Variants in KCNH6 observed in about 807,000 individuals in gnomAD.
The protein encoded by KCNH6 is potassium voltage-gated channel subfamily H member 6, also known as voltage-gated inwardly rectifying potassium channel KCNH6.
KCNH6 carries 81 observed loss-of-function variants against 83.4 expected under a neutral mutation model. That is an observed-to-expected ratio of 0.97 (90% CI 0.81 to 1.17). The LOEUF (loss-of-function observed/expected upper bound fraction) is 1.17, where lower values mean the gene tolerates loss of function less well. KCNH6 is among the 50% of genes most tolerant of loss of function. The probability of loss-of-function intolerance (pLI) is 0.00; values close to 1 mark genes in which losing one functional copy is unlikely to be tolerated. For synonymous variants in KCNH6, 503 were observed against 545.6 expected (o/e 0.92, Z 1.09); for missense variants, 1,203 against 1,290.5 (o/e 0.93, Z 1.04).
Position 63,546,083 on chromosome 17 carries a change from G to C in KCNH6, c.*181G>C. On this transcript the variant is annotated 3_prime_UTR_variant, in exon 13 of 13. Transcript: ENST00000314672. ...CCCCACCTCTACTAAAATTAAAAAA[G>C]AAAAAAAATAGCCGGGCGTGGTGGC... 1.8e-6 allele frequency: 1 copy of C among 570,990 alleles called. No individual in the cohort carries two copies. Among genetic ancestry groups the C allele is most frequent in the East Asian group, 2.9e-5 (1 of 34,450 alleles). The allele number at this position is 570,990 out of a possible 1,614,324, so 35.4% of individuals were successfully genotyped here.
Position 63,533,905 on chromosome 17 carries a change from A to G in KCNH6, c.695A>G (p.Asp232Gly). ...CCCCAGGTCCTGTCCCTGGGCGCGGATGTGCTGCCGGAGTACAAGCTGCAG... is the reference window on the plus strand; with the variant it reads ...CCCCAGGTCCTGTCCCTGGGCGCGGGTGTGCTGCCGGAGTACAAGCTGCAG... ...KVTQVLSLGA[D>G]VLPEYKLQAP... The change falls in exon 5 of 13, where the codon GAT becomes GGT. Residue 232 changes from aspartate (D) to glycine (G), a missense_variant. Coordinates refer to ENST00000314672, the MANE Select transcript of KCNH6 (RefSeq NM_001278919.2). The surrounding 1 kb of genome is among the most constrained non-coding windows in gnomAD (Gnocchi z 4.1). The G allele has an allele frequency of 6.2e-7, 1 of 1,613,362 alleles. No individual in the cohort carries two copies. The highest frequency in any genetic ancestry group is 8.5e-7 in the Non-Finnish European group (1 of 1,179,694).
Position 63,531,672 on chromosome 17 carries a change from C to G in KCNH6, c.675+1130C>G, listed in dbSNP as rs536320401. Among the ~76,000 whole-genome samples the G allele has an allele frequency of 3.9e-5, 6 of 152,312 alleles. No homozygotes were observed. The East Asian group carries it at 1.2e-3, about 29-fold the overall frequency. Reference sequence around the variant, plus strand: ...TGTCCTCTGAGGTCAGGCAGAGTGGCCCAAAGGCCTGACCCTGGGAAGCCC... The same window carrying G: ...TGTCCTCTGAGGTCAGGCAGAGTGGGCCAAAGGCCTGACCCTGGGAAGCCC... On this transcript the variant is annotated intron_variant, in intron 4 of 12. Coordinates refer to ENST00000314672, the MANE Select transcript of KCNH6 (RefSeq NM_001278919.2).
At position 63,538,229 on chromosome 17, in the gene KCNH6, G is replaced by T. The variant is rs1598000356; in HGVS notation, c.1666G>T (p.Ala556Ser). The T allele has an allele frequency of 2.5e-6, 4 of 1,614,178 alleles. No homozygotes were observed. Among genetic ancestry groups the T allele is most frequent in the East Asian group, 2.2e-5 (1 of 44,876 alleles). Reference protein sequence around the residue: ...RQRLEEYFQHAWSYTNGIDMN... With the variant: ...RQRLEEYFQHSWSYTNGIDMN... The stretch of plus-strand genomic sequence containing the variant: ...GCGCCTGGAGGAGTATTTCCAGCAC[G>T]CCTGGTCCTACACCAATGGCATTGA... Residue 556 changes from alanine to serine, a missense_variant, in exon 7 of 13, where the codon GCC becomes TCC. Transcript: ENST00000314672. The surrounding 1 kb of genome is among the most constrained non-coding windows in gnomAD (Gnocchi z 4.0).
intron 2 of KCNH6, among the ~76,000 whole-genome samples, chr17:63,524,653 A>C (rs1056028093): frequency 6.6e-6 from 1 of 152,014 alleles, no homozygotes; most frequent in Non-Finnish European, 1.5e-5. Context: ...GCTCTCCACT[A>C]TCTTACTGTC....
Position 63,533,732 on chromosome 17 carries a change from A to G in KCNH6, c.676-154A>G, listed in dbSNP as rs182600443. Among the ~76,000 whole-genome samples the G allele has an allele frequency of 0.011, 1,628 of 150,008 alleles. 15 individuals are homozygous for G. Among genetic ancestry groups the G allele is most frequent in the Non-Finnish European group, 0.016 (1,112 of 67,450 alleles). ...CCCTTAGGAACTTGCCTTCTCAGAC[A>G]CCCCCCACCCCATCTCTCCCTCATC... On this transcript the variant is annotated intron_variant, in intron 4 of 12. Coordinates refer to ENST00000314672, the MANE Select transcript of KCNH6 (RefSeq NM_001278919.2). The surrounding 1 kb of genome is among the most constrained non-coding windows in gnomAD (Gnocchi z 4.1).
chr17:63,529,942 CCTCTGCCCAGTAT>C, intron 2 of KCNH6, 136 bp from the exon 3 acceptor site: 1 of 812,140 alleles, frequency 1.2e-6, no homozygotes, highest in Non-Finnish European at 1.9e-6. Context: ...CCTCACCCAC[CCTCTGCCCAGTAT>C]CTCTGGTCAC....
Position 63,530,212 on chromosome 17 carries a change from C to G in KCNH6, c.429C>G (p.Ser143Arg), listed in dbSNP as rs1465208752. The G allele has an allele frequency of 6.2e-7, 1 of 1,614,046 alleles. No individual in the cohort carries two copies. Among genetic ancestry groups the G allele is most frequent in the Non-Finnish European group, 8.5e-7 (1 of 1,179,992 alleles). Residue 143 changes from serine to arginine, a missense_variant, in exon 3 of 13, where the codon AGC (serine) becomes AGG (arginine). Physicochemically the swap from Ser to Arg is moderately radical, Grantham distance 110. Coordinates refer to ENST00000314672, the MANE Select transcript of KCNH6 (RefSeq NM_001278919.2). ...TCCTGGCCAAGTGCAGCAGCCGCAGCTTGTCCCAGCGCCTGTTGTCCCAGA... is the reference window on the plus strand; with the variant it reads ...TCCTGGCCAAGTGCAGCAGCCGCAGGTTGTCCCAGCGCCTGTTGTCCCAGA... The part of the protein sequence containing the change: ...AQLLAKCSSR[S>R]LSQRLLSQSF...
Position 63,538,071 on chromosome 17 carries a change from T to G in KCNH6, c.1508T>G (p.Met503Arg). The G allele has an allele frequency of 6.2e-7, 1 of 1,613,348 alleles. No individual in the cohort carries two copies. The highest frequency in any genetic ancestry group is 8.5e-7 in the Non-Finnish European group (1 of 1,179,918). The part of the protein sequence containing the change: ...SICVMLIGSL[M>R]YASIFGNVSA... ...CTCTCCGCCCCGCCCCCAGCCCTGA[T>G]GTACGCCAGCATCTTCGGGAACGTG... The change falls in exon 7 of 13, where the codon ATG becomes AGG. Residue 503 changes from methionine to arginine, a missense_variant. Met to Arg is a moderately conservative substitution (Grantham distance 91). Transcript: ENST00000314672. This position sits in a 1 kb window ranked among gnomAD's most constrained non-coding sequence, Gnocchi z 4.0.
rs2032707846 is a variant in KCNH6, at chr17:63,538,985, G to A, written c.1954+323G>A. 6.6e-6 allele frequency among the ~76,000 whole-genome samples: 1 copy of A among 152,176 alleles called. No individual in the cohort carries two copies. Among genetic ancestry groups the A allele is most frequent in the African/African-American group, 2.4e-5 (1 of 41,432 alleles). On this transcript the variant is annotated intron_variant, in intron 8 of 12. Coordinates refer to ENST00000314672, the MANE Select transcript of KCNH6 (RefSeq NM_001278919.2). This position sits in a 1 kb window ranked among gnomAD's most constrained non-coding sequence, Gnocchi z 4.0. ...TCCTACCTTCTTGCACTCTTGGGGA[G>A]TTTAGGGAGAAAGGCCAAGGGTCTT...
chr17:63,536,676 G>A (rs1046249261), intron 6 of KCNH6, among the ~76,000 whole-genome samples: 3 of 151,096 alleles, frequency 2.0e-5, no homozygotes, highest in South Asian at 2.1e-4. Flanking sequence ...AGAATTTTTC[G>A]CCAGGCATGG....
In KCNH6 at chr17:63,535,459, C is replaced by T. The variant is rs1426187985; in HGVS notation, c.1102-210C>T. ...TCTGTTCTCCCACTGGACTTCTGTC[C>T]TAGCAACCAGAACACTATTCTGAGC... On this transcript the variant is annotated intron_variant, in intron 5 of 12. Transcript: ENST00000314672. This position sits in a 1 kb window ranked among gnomAD's most constrained non-coding sequence, Gnocchi z 4.9. Among the ~76,000 whole-genome samples the T allele has an allele frequency of 6.6e-6, 1 of 152,228 alleles. No individual in the cohort carries two copies. Among genetic ancestry groups the T allele is most frequent in the African/African-American group, 2.4e-5 (1 of 41,446 alleles).
chr17:63,543,778 G>A (rs2033003476), intron 10 of KCNH6, 118 bp downstream of exon 10: 2 of 705,816 alleles, frequency 2.8e-6, no homozygotes, highest in East Asian at 5.1e-5. Flanking sequence ...GTGGAGAGGG[G>A]CTCCCTCTCT....
Position 63,530,091 on chromosome 17 carries a change from C to A in KCNH6, c.308C>A (p.Ala103Asp), listed in dbSNP as rs774393816. 3.2e-5 allele frequency: 52 copies of A among 1,612,816 alleles called. 1 individual carries two copies. Among genetic ancestry groups the A allele is most frequent in the Non-Finnish European group, 3.9e-5 (46 of 1,179,930 alleles). Reference protein sequence around the residue: ...KVDILYYRKDASSFRCLVDVV... With the variant: ...KVDILYYRKDDSSFRCLVDVV... ...CCCATCCTCCCAATGGTGTTCGCAG[C>A]CTCCAGCTTCCGCTGCCTGGTAGAT... The change falls in exon 3 of 13, where the codon GCC (alanine) becomes GAC (aspartate). Residue 103 changes from alanine to aspartate, a missense_variant and splice_region_variant. Transcript: ENST00000314672.
chr17:63,543,968 T>A (rs2033012674), intron 10 of KCNH6: 1 of 1,128,290 alleles, frequency 8.9e-7, no homozygotes, highest in East Asian at 2.5e-5. Context: ...GGGCTGCAGC[T>A]CCCTGGGCAG....
rs780575688 is a variant in KCNH6 at position 63,545,802 on chromosome 17, G to C, written c.2777G>C (p.Cys926Ser). ...GTACAAGGACTCATCTGTGGTCCCT[G>C]CTTCTCCTCCCTCCCTGAACACCTT... ...LEVQGLICGPCFSSLPEHLGS... is the reference protein window; with the variant it reads ...LEVQGLICGPSFSSLPEHLGS... The change falls in exon 13 of 13, where the codon TGC (cysteine) becomes TCC (serine). Residue 926 changes from cysteine to serine, a missense_variant. Coordinates refer to ENST00000314672, the MANE Select transcript of KCNH6 (RefSeq NM_001278919.2). The C allele has an allele frequency of 4.3e-6, 7 of 1,614,148 alleles. No homozygotes were observed. In the Admixed American group the frequency reaches 1.2e-4, roughly 27 times the overall value.
chr17:63,526,537 T>C (rs113580918), intron 2 of KCNH6, among the ~76,000 whole-genome samples: 1,963 of 152,112 alleles, frequency 0.013, 24 homozygotes, highest in Middle Eastern at 0.024. Context: ...TTTAATTTTT[T>C]GTAGGGATGG....
In KCNH6 at chr17:63,523,407, C is replaced by A; in HGVS notation, c.-7C>A. The A allele has an allele frequency of 1.3e-6, 2 of 1,588,986 alleles. No homozygotes were observed. The highest frequency in any genetic ancestry group is 2.2e-5 in the South Asian group (2 of 89,168). On this transcript the variant is annotated 5_prime_UTR_variant, in exon 1 of 13. Coordinates refer to ENST00000314672, the MANE Select transcript of KCNH6 (RefSeq NM_001278919.2). This position sits in a 1 kb window ranked among gnomAD's most constrained non-coding sequence, Gnocchi z 4.2. The stretch of plus-strand genomic sequence containing the variant: ...CTGTGGCTCCGGGCAGGGGCCGCGG[C>A]CGAAAGATGCCGGTCCGCAGGGGCC...
Position 63,523,771 on chromosome 17 carries a change from C to T in KCNH6, c.76+282C>T, listed in dbSNP as rs1876231764. Reference sequence around the variant, plus strand: ...CCAAGTTCGAACCTCCCCTTCCAGCCACTGCCTGCCCCCTCATCCGCGTCC... The same window carrying T: ...CCAAGTTCGAACCTCCCCTTCCAGCTACTGCCTGCCCCCTCATCCGCGTCC... On this transcript the variant is annotated intron_variant, in intron 1 of 12. Transcript: ENST00000314672. This position sits in a 1 kb window ranked among gnomAD's most constrained non-coding sequence, Gnocchi z 4.2. Among the ~76,000 whole-genome samples the T allele has an allele frequency of 6.6e-6, 1 of 152,128 alleles. No homozygotes were observed. The highest frequency in any genetic ancestry group is 1.5e-5 in the Non-Finnish European group (1 of 68,028).
intron 6 of KCNH6, among the ~76,000 whole-genome samples, chr17:63,536,567 C>T (rs1042494814): frequency 2.6e-5 from 4 of 151,934 alleles, no homozygotes; most frequent in Admixed American, 2.0e-4. Context: ...TCAGTTGAAC[C>T]TGGGAGGTGG....
Sources: allele counts gnomAD v4.1 joint callset (sites outside exome capture counted in the v4.1 genomes callset), GRCh38; gene constraint gnomAD v4.1.1; non-coding constraint Gnocchi (gnomAD v3.1); transcripts MANE v1.5; gene names NCBI Gene and HGNC (gene_info 2026-07-23, HGNC 2026-07-21).